TOGARAM2: variants seen among roughly 807,000 people sequenced by gnomAD.
TOGARAM2 encodes TOG array regulator of axonemal microtubules 2, also known as TOG array regulator of axonemal microtubules protein 2.
In TOGARAM2, 85 loss-of-function variants were observed where a neutral mutation model predicts 93.3. That is an observed-to-expected ratio of 0.91 (90% CI 0.76 to 1.09). The LOEUF is 1.09. Among genes scored for constraint, TOGARAM2 ranks in the 50% least tolerant of loss-of-function variants. The probability of loss-of-function intolerance (pLI) is 0.00; values close to 1 mark genes in which losing one functional copy is unlikely to be tolerated. For missense variants in TOGARAM2, 1,277 were observed against 1,334.5 expected (o/e 0.96, Z 0.67); for synonymous variants, 593 against 552.8 (o/e 1.07, Z -1.02).
chr2:29,026,917 G>C lies in TOGARAM2; in HGVS notation c.1918G>C (p.Gly640Arg), dbSNP rs768328098. Residue 640 changes from glycine (G) to arginine (R), a missense_variant, in exon 14 of 20, where the codon GGC becomes CGC. By Grantham distance (125) the Gly-to-Arg change is moderately radical. Transcript: ENST00000379558. The part of the protein sequence containing the change: ...EHLSAVLEQI[G>R]AEKLLSGTRD... ...CCTCTCAGCTGTGCTGGAGCAGATC[G>C]GCGCTGAGAAGCTTCTCTCGGGCAC... 6.3e-7 allele frequency: 1 copy of C among 1,587,160 alleles called. No homozygotes were observed. Among genetic ancestry groups the C allele is most frequent in the Non-Finnish European group, 8.6e-7 (1 of 1,166,832 alleles).
chr2:28,986,272 C>T (rs1416315851), intron 1 of TOGARAM2, among the ~76,000 whole-genome samples: 2 of 152,116 alleles, frequency 1.3e-5, no homozygotes, highest in African/African-American at 4.8e-5. Flanking sequence ...TCCCCCTAGG[C>T]TTTCCTATGT....
intron 1 of TOGARAM2, among the ~76,000 whole-genome samples, chr2:28,968,526 C>T (rs1018785915): frequency 1.3e-5 from 2 of 152,052 alleles, no homozygotes; most frequent in African/African-American, 2.4e-5. Flanking sequence ...TCCTTTTCCT[C>T]GCACCCATAT....
At chr2:28,974,395 T>C (rs1050579702) in intron 1 of TOGARAM2, among the ~76,000 whole-genome samples, 1 of 152,122 alleles carries the variant, frequency 6.6e-6, no homozygotes, top group African/African-American at 2.4e-5. Context: ...CTTAACGATG[T>C]GTCTTGATGT....
intron 1 of TOGARAM2, among the ~76,000 whole-genome samples, chr2:28,994,462 G>C (rs1037480221): frequency 6.6e-6 from 1 of 152,154 alleles, no homozygotes; most frequent in Admixed American, 6.5e-5. Context: ...CGACCCTAAA[G>C]GTGTCCATGT....
chr2:29,029,754 T>TAAAAAAAAAAAA (rs764355917), intron 14 of TOGARAM2, among the ~76,000 whole-genome samples: 1 of 127,122 alleles, frequency 7.9e-6, no homozygotes, highest in South Asian at 2.7e-4. Flanking sequence ...AGGCTCTGTC[T>TAAAAAAAAAAAA]AAAAAAAAAA....
rs1338209360 is a variant in TOGARAM2, at chr2:29,023,098, G to T, written c.1524G>T (p.Glu508Asp). 6 of 1,595,096 alleles carry T rather than the reference G, an allele frequency of 3.8e-6. No homozygotes were observed. Among genetic ancestry groups the T allele is most frequent in the Non-Finnish European group, 5.1e-6 (6 of 1,170,906 alleles). ...CCTTGCTTCTCAGGCAGATGAAGGA[G>T]AAGGGTCTGGTGAGCATCCAGCGCT... Reference protein sequence around the residue: ...CLNSSDWQMKEKGLVSIQRLA... With the variant: ...CLNSSDWQMKDKGLVSIQRLA... The change falls in exon 12 of 20, where the codon GAG becomes GAT. Residue 508 changes from glutamate (E) to aspartate (D), a missense_variant. Transcript: ENST00000379558.
In TOGARAM2 at chr2:28,999,333, T is replaced by A; in HGVS notation, c.292T>A (p.Ser98Thr). 1 of 1,613,760 alleles carries A rather than the reference T, an allele frequency of 6.2e-7. No homozygotes were observed. Among genetic ancestry groups the A allele is most frequent in the Non-Finnish European group, 8.5e-7 (1 of 1,179,798 alleles). ...NGHPRNLRAL[S>T]LGDQPLVLLP... ...TCACCCCAGGAACCTCAGGGCCTTGTCTTTGGGGGACCAGCCCCTGGTGCT... is the reference window on the plus strand; with the variant it reads ...TCACCCCAGGAACCTCAGGGCCTTGACTTTGGGGGACCAGCCCCTGGTGCT... The change falls in exon 4 of 20, where the codon TCT becomes ACT. Residue 98 changes from serine (S) to threonine (T), a missense_variant. By Grantham distance (58) the Ser-to-Thr change is moderately conservative (BLOSUM62 1). Transcript: ENST00000379558.
At chr2:29,018,072 G>T (rs561627505) in intron 10 of TOGARAM2, 116 bp downstream of exon 10, 1 of 1,230,622 alleles carries the variant, frequency 8.1e-7, no homozygotes, top group Non-Finnish European at 1.1e-6. Flanking sequence ...GTCCATGTTA[G>T]ACCAGGAGGC....
intron 2 of TOGARAM2, among the ~76,000 whole-genome samples, chr2:28,997,307 G>C (rs1673039783): frequency 6.6e-6 from 1 of 152,346 alleles, no homozygotes; most frequent in African/African-American, 2.4e-5. Context: ...CTTCTTAAAG[G>C]AGCGCATGCC....
chr2:29,044,541 C>T (rs994649577), intron 18 of TOGARAM2, among the ~76,000 whole-genome samples: 1 of 152,048 alleles, frequency 6.6e-6, no homozygotes, highest in Non-Finnish European at 1.5e-5. Flanking sequence ...GAGCCCGGGC[C>T]CACCAGGACC....
chr2:29,024,158 A>G lies in TOGARAM2; in HGVS notation c.1637A>G (p.Lys546Arg). 6.3e-7 allele frequency: 1 copy of G among 1,585,088 alleles called. No individual in the cohort carries two copies. The highest frequency in any genetic ancestry group is 8.6e-7 in the Non-Finnish European group (1 of 1,165,274). ...TCCAAGGTCACCAACCTGCGGTCCA[A>G]GGTGTCTCACCTGGCCATCAGCACC... ...VTGEVTNLRS[K>R]VSHLAISTLG... The change falls in exon 13 of 20, where the codon AAG (lysine) becomes AGG (arginine). Residue 546 changes from lysine to arginine, a missense_variant. Coordinates refer to ENST00000379558, the MANE Select transcript of TOGARAM2 (RefSeq NM_199280.4).
chr2:28,977,685 C>T (rs1344039933), upstream of TOGARAM2, among the ~76,000 whole-genome samples: 1 of 152,158 alleles, frequency 6.6e-6, no homozygotes, highest in Non-Finnish European at 1.5e-5. Flanking sequence ...AGGCATGAAT[C>T]CTGCCCCCAA....
chr2:29,006,025 CATAT>C (rs988775994), intron 6 of TOGARAM2, among the ~76,000 whole-genome samples: 4 of 108,734 alleles, frequency 3.7e-5, no homozygotes, highest in Non-Finnish European at 5.7e-5. Flanking sequence ...TGTGTGAGAC[CATAT>C]GTATGTGAGT....
chr2:29,050,271 T>C (rs12714255), intron 19 of TOGARAM2: 33,386 of 152,066 alleles, frequency 0.22, 4,446 homozygotes, highest in Middle Eastern at 0.37. Context: ...GGCAGGAGAA[T>C]TACTTGAGCC....
At chr2:28,966,912 C>T (rs1346884284) in intron 1 of TOGARAM2, among the ~76,000 whole-genome samples, 7 of 152,100 alleles carry the variant, frequency 4.6e-5, no homozygotes, top group Admixed American at 4.6e-4. Context: ...TACTGCATTT[C>T]AGAGATGTTT....
chr2:29,011,270 T>G (rs972900821), intron 6 of TOGARAM2, among the ~76,000 whole-genome samples, 185 bp from the exon 7 acceptor site: 3 of 152,178 alleles, frequency 2.0e-5, no homozygotes, highest in Non-Finnish European at 4.4e-5. Context: ...CCCTTGTGTT[T>G]GCAGAGGGAG....
intron 1 of TOGARAM2, among the ~76,000 whole-genome samples, chr2:28,969,863 G>C (rs1226987738): frequency 1.4e-5 from 2 of 146,178 alleles, no homozygotes; most frequent in African/African-American, 2.5e-5. Context: ...CCCAGGCTGG[G>C]GTGCAATGGC....
intron 19 of TOGARAM2, 37 bp from the exon 20 acceptor site, chr2:29,051,719 T>G: frequency 1.4e-6 from 2 of 1,433,196 alleles, no homozygotes; most frequent in Admixed American, 2.7e-5. Flanking sequence ...AGGGAGAGAG[T>G]GCCTGGCTCA....
In TOGARAM2 at chr2:29,033,530, T is replaced by A; in HGVS notation, c.2192T>A (p.Val731Glu). 1.2e-6 allele frequency: 2 copies of A among 1,613,698 alleles called. No individual in the cohort carries two copies. Among genetic ancestry groups the A allele is most frequent in the Non-Finnish European group, 1.7e-6 (2 of 1,179,808 alleles). ...AKGRKVLRSL[V>E]VCENGLPIKE... ...GGCCGCAAGGTGTTGAGGAGTCTGG[T>A]GGTGTGTGAGAACGGGCTGCCCATC... The change falls in exon 16 of 20, where the codon GTG becomes GAG. Residue 731 changes from valine to glutamate, a missense_variant. Val to Glu is a moderately radical substitution (Grantham distance 121). Transcript: ENST00000379558.
Sources: allele counts gnomAD v4.1 joint callset (sites outside exome capture counted in the v4.1 genomes callset), GRCh38; gene constraint gnomAD v4.1.1; transcripts MANE v1.5; gene names NCBI Gene and HGNC (gene_info 2026-07-23, HGNC 2026-07-21).